The following PLEC variants were observed in gnomAD, a reference collection of about 807,000 sequenced individuals.
The protein encoded by PLEC is plectin.
A neutral mutation model predicts 392.8 loss-of-function variants in PLEC; 216 were observed. That is an observed-to-expected ratio of 0.55 (90% CI 0.49 to 0.62). The LOEUF (loss-of-function observed/expected upper bound fraction) is 0.62. PLEC is among the 20% of genes least tolerant of loss of function. The pLI, the probability that PLEC is intolerant of heterozygous loss-of-function variation, is 0.00. For synonymous variants in PLEC, 3,621 were observed against 2,980.6 expected (o/e 1.21, Z -7.00); for missense variants, 6,863 against 6,563.4 (o/e 1.05, Z -1.58).
intron 19 of PLEC, among the ~76,000 whole-genome samples, chr8:143,931,252 G>A (rs1043752890): frequency 2.0e-5 from 3 of 152,052 alleles, no homozygotes; most frequent in African/African-American, 4.8e-5. Context: ...GCTGCCTCTC[G>A]GCTCCCCACA....
In PLEC at chr8:143,920,162, C is replaced by T. The variant is rs371002664; in HGVS notation, c.9659G>A (p.Arg3220Gln). Residue 3220 changes from arginine to glutamine, a missense_variant, in exon 32 of 32, where the codon CGG (arginine) becomes CAG (glutamine). Transcript: ENST00000345136. ...CAGCTCTGAGTAGAGCTCCTCCTGCCGGGCCCGAGCAGCCTTTTCTGAGAG... is the reference window on the plus strand; with the variant it reads ...CAGCTCTGAGTAGAGCTCCTCCTGCTGGGCCCGAGCAGCCTTTTCTGAGAG... The part of the protein sequence containing the change: ...LPLSEKAARA[R>Q]QEELYSELQA... 7.3e-5 allele frequency: 117 copies of T among 1,612,422 alleles called. No individual in the cohort carries two copies. Among genetic ancestry groups the T allele is most frequent in the African/African-American group, 1.2e-4 (9 of 74,934 alleles).
upstream of PLEC, among the ~76,000 whole-genome samples, chr8:143,958,427 A>G (rs1265787449): frequency 1.3e-5 from 2 of 152,110 alleles, no homozygotes; most frequent in African/African-American, 4.8e-5. The surrounding 1 kb of genome is among the most constrained non-coding windows in gnomAD (Gnocchi z 4.9). Context: ...CTAGAGACCA[A>G]TTTGCGGGGA....
rs781813093 is a variant in PLEC at position 143,916,811 on chromosome 8, T to C, written c.13010A>G (p.Asn4337Ser). 13 of 1,612,992 alleles carry C rather than the reference T, an allele frequency of 8.1e-6. No homozygotes were observed. The African/African-American group carries it at 1.5e-4, about 18-fold the overall frequency. Residue 4337 changes from asparagine to serine, a missense_variant, in exon 32 of 32, where the codon AAC becomes AGC. Transcript: ENST00000345136. ...CATGATCTTGTCCACCAGGCCCTTG[T>C]TGACGGCGTCGGTGACAGGGAAGCG... Reference protein sequence around the residue: ...GERFPVTDAVNKGLVDKIMVD... With the variant: ...GERFPVTDAVSKGLVDKIMVD...
upstream of PLEC, chr8:143,958,797 G>T (rs576553072): frequency 6.2e-6 from 2 of 322,096 alleles, no homozygotes; most frequent in Non-Finnish European, 1.3e-5. This position sits in a 1 kb window ranked among gnomAD's most constrained non-coding sequence, Gnocchi z 4.9. Flanking sequence ...CTCCAACACC[G>T]AGACACCTGT....
At position 143,927,036 on chromosome 8, in the gene PLEC, C is replaced by A. The variant is rs1554706466; in HGVS notation, c.3886G>T (p.Val1296Leu). Reference sequence around the variant, plus strand: ...TTGGGCTTCTTGGCCGGGGAGGCCACCGGCTCAAGCTGCGCCTTGTACGTC... The same window carrying A: ...TTGGGCTTCTTGGCCGGGGAGGCCAACGGCTCAAGCTGCGCCTTGTACGTC... Reference protein sequence around the residue: ...LVTYKAQLEPVASPAKKPKVQ... With the variant: ...LVTYKAQLEPLASPAKKPKVQ... The change falls in exon 29 of 32, where the codon GTG becomes TTG. Residue 1296 changes from valine to leucine, a missense_variant. Transcript: ENST00000345136. 1 of 1,612,438 alleles carries A rather than the reference C, an allele frequency of 6.2e-7. No homozygotes were observed. Among genetic ancestry groups the A allele is most frequent in the African/African-American group, 1.3e-5 (1 of 74,954 alleles).
intron 12 of PLEC, 34 bp from the exon 13 acceptor site, chr8:143,933,385 T>TA: frequency 2.5e-6 from 4 of 1,604,090 alleles, no homozygotes; most frequent in Non-Finnish European, 3.4e-6. Context: ...GGAGCACAGC[T>TA]GATCCCCCTC....
chr8:143,950,274 G>C (rs1831993942), exon 1 of PLEC: 1 of 1,570,696 alleles, frequency 6.4e-7, no homozygotes, highest in African/African-American at 1.4e-5. Context: ...ACCTCCTCAA[G>C]CTCCTTCCGA....
In PLEC at chr8:143,973,390, CG is replaced by C; in HGVS notation, c.70+12del. On this transcript the variant is annotated intron_variant, in intron 1 of 31. Coordinates refer to the PLEC transcript ENST00000356346. This position sits in a 1 kb window ranked among gnomAD's most constrained non-coding sequence, Gnocchi z 5.6. Reference sequence around the variant, plus strand: ...AGGAGCGGCCCGACAGGCAGCGGGACGGGGGGCCGTACCTTTGTACTTCTCG... The same window carrying C: ...AGGAGCGGCCCGACAGGCAGCGGGACGGGGGCCGTACCTTTGTACTTCTCG... 1.9e-6 allele frequency: 3 copies of C among 1,559,522 alleles called. No homozygotes were observed. The highest frequency in any genetic ancestry group is 1.2e-5 in the South Asian group (1 of 84,926).
chr8:143,922,321 G>C lies in PLEC; in HGVS notation c.7500C>G (p.Asp2500Glu). The C allele has an allele frequency of 6.2e-7, 1 of 1,607,344 alleles. No individual in the cohort carries two copies. ...TGAAGCGCTCCCGCTGTAGCAGGCT[G>C]TCCTTTTCAGAGAGGAAGCTTTGCT... ...ALQQSFLSEK[D>E]SLLQRERFIE... Residue 2500 changes from aspartate (D) to glutamate (E), a missense_variant, in exon 32 of 32, where the codon GAC becomes GAG. Coordinates refer to ENST00000345136, the MANE Select transcript of PLEC (RefSeq NM_201384.3).
rs1586765219 is a variant in PLEC at position 143,917,620 on chromosome 8, G to A, written c.12201C>T (p.Tyr4067=). 1 of 1,613,774 alleles carries A rather than the reference G, an allele frequency of 6.2e-7. No homozygotes were observed. Among genetic ancestry groups the A allele is most frequent in the South Asian group, 1.1e-5 (1 of 91,086 alleles). ...ESHRLPVEVA[Y]KRGLFDEEMN... is the part of the protein sequence containing the mutation. ...TCTCCTCATCGAAGAGGCCGCGCTT[G>A]TAGGCCACCTCCACGGGCAGCCGGT... Residue 4067 remains tyrosine (Y), a synonymous_variant, in exon 32 of 32, where the codon TAC becomes TAT. Coordinates refer to ENST00000345136, the MANE Select transcript of PLEC (RefSeq NM_201384.3).
chr8:143,950,927 G>T, upstream of PLEC: 1 of 956,366 alleles, frequency 1.0e-6, no homozygotes, highest in Non-Finnish European at 1.5e-6. Flanking sequence ...TGCCGGCACT[G>T]CCGGCTGCCC....
chr8:143,951,803 G>A (rs1215544525), upstream of PLEC, among the ~76,000 whole-genome samples: 4 of 152,154 alleles, frequency 2.6e-5, no homozygotes, highest in African/African-American at 7.2e-5. Context: ...GGGCCCAAGG[G>A]AAGGGAAGAG....
chr8:143,970,321 G>A (rs1554743825), intron 1 of PLEC, among the ~76,000 whole-genome samples: 1 of 151,996 alleles, frequency 6.6e-6, no homozygotes. Context: ...AATCAAGCAG[G>A]GTGGAAGTAT....
At chr8:143,963,984 T>C (rs563048792) in intron 1 of PLEC, among the ~76,000 whole-genome samples, 1 of 152,196 alleles carries the variant, frequency 6.6e-6, no homozygotes, top group Non-Finnish European at 1.5e-5. Context: ...GGCTGATTTT[T>C]GTATTTTTAG....
Position 143,938,577 on chromosome 8 carries a change from C to T in PLEC, c.174+54G>A, listed in dbSNP as rs1402606857. On this transcript the variant is annotated intron_variant, in intron 2 of 31. Transcript: ENST00000345136. ...TTGGGCGGCAGGGGCCACCCTCCCT[C>T]AGCGCCTCCCACAGCCTCAGCCCCT... 3.8e-6 allele frequency: 6 copies of T among 1,591,238 alleles called. No homozygotes were observed. The East Asian group carries it at 1.1e-4, about 30-fold the overall frequency.
chr8:143,931,056 T>G (rs1827097482), intron 19 of PLEC, among the ~76,000 whole-genome samples: 1 of 152,212 alleles, frequency 6.6e-6, no homozygotes, highest in Non-Finnish European at 1.5e-5. Context: ...AGTTCCACTC[T>G]GCCCGCTCCA....
At chr8:143,967,581 C>T (rs1459295364) in intron 1 of PLEC, among the ~76,000 whole-genome samples, 1 of 152,048 alleles carries the variant, frequency 6.6e-6, no homozygotes, top group African/African-American at 2.4e-5. Flanking sequence ...GGGTTCTGGA[C>T]TCCCCATGGA....
At chr8:143,945,694 C>T (rs910024796) in intron 1 of PLEC, among the ~76,000 whole-genome samples, 25 of 152,284 alleles carry the variant, frequency 1.6e-4, no homozygotes, top group Admixed American at 9.8e-4. Context: ...GCCCAGGTGG[C>T]CTCCAGTGTA....
intron 1 of PLEC, among the ~76,000 whole-genome samples, chr8:143,948,409 G>A (rs1831746163): frequency 6.6e-6 from 1 of 152,214 alleles, no homozygotes; most frequent in Admixed American, 6.5e-5. Flanking sequence ...AACTGCCCCG[G>A]GCTGTATGCA....
Sources: gnomAD v4.1 joint callset for allele counts (sites outside exome capture counted in the v4.1 genomes callset) on GRCh38, gnomAD v4.1.1 for gene constraint, Gnocchi (gnomAD v3.1) non-coding constraint, MANE v1.5 for transcripts, NCBI Gene and HGNC (gene_info 2026-07-23, HGNC 2026-07-21) for gene names.